ULK4: variants seen among roughly 807,000 people sequenced by gnomAD.
ULK4 encodes unc-51 like kinase 4, also known as inactive serine/threonine-protein kinase ULK4.
In ULK4, 133 loss-of-function variants were observed where a neutral mutation model predicts 160.6. That is an observed-to-expected ratio of 0.83 (90% CI 0.72 to 0.96). The LOEUF (loss-of-function observed/expected upper bound fraction) is 0.96. Among genes scored for constraint, ULK4 ranks in the 40% least tolerant of loss-of-function variants. The probability of loss-of-function intolerance (pLI) is 0.00; values close to 1 mark genes in which losing one functional copy is unlikely to be tolerated. For missense variants in ULK4, 1,580 were observed against 1,499.5 expected (o/e 1.05, Z -0.89); for synonymous variants, 534 against 539.8 (o/e 0.99, Z 0.15).
At chr3:41,388,813 C>T (rs2081885211) in intron 35 of ULK4, among the ~76,000 whole-genome samples, 1 of 152,118 alleles carries the variant, frequency 6.6e-6, no homozygotes, top group Non-Finnish European at 1.5e-5. Flanking sequence ...TAGCATGATC[C>T]CTCCAGCTTT....
At chr3:41,747,114 C>T (rs1575642787) in intron 22 of ULK4, among the ~76,000 whole-genome samples, 3 of 151,748 alleles carry the variant, frequency 2.0e-5, no homozygotes, top group Admixed American at 1.3e-4. Flanking sequence ...TTAGTCTTGA[C>T]ATCAAAAATA....
At chr3:41,829,739 G>T (rs556011344) in intron 18 of ULK4, among the ~76,000 whole-genome samples, 2 of 151,556 alleles carry the variant, frequency 1.3e-5, no homozygotes, top group African/African-American at 2.4e-5. Context: ...TCAGTGTGGC[G>T]ATTCCTCAGA....
intron 30 of ULK4, among the ~76,000 whole-genome samples, chr3:41,641,320 C>CATATT (rs1168266720): frequency 6.6e-6 from 1 of 152,036 alleles, no homozygotes; most frequent in African/African-American, 2.4e-5. Context: ...TAAGACTGTG[C>CATATT]ATATTAGTAG....
intron 30 of ULK4, among the ~76,000 whole-genome samples, chr3:41,620,038 A>G (rs908957569): frequency 1.2e-4 from 18 of 152,146 alleles, no homozygotes; most frequent in Admixed American, 1.2e-3. Flanking sequence ...TCCTGCGCAC[A>G]TACACCCTCC....
chr3:41,469,630 C>G (rs1446631232), intron 32 of ULK4, among the ~76,000 whole-genome samples: 1 of 75,942 alleles, frequency 1.3e-5, no homozygotes, highest in Non-Finnish European at 2.9e-5. Context: ...AAAAAAAACA[C>G]CTTAAAAGCC....
intron 30 of ULK4, among the ~76,000 whole-genome samples, chr3:41,650,470 G>A (rs1290250819): frequency 6.6e-6 from 1 of 152,226 alleles, no homozygotes; most frequent in Non-Finnish European, 1.5e-5. Flanking sequence ...ACGTTCCCCA[G>A]TGCCCACAGT....
chr3:41,771,367 CA>C (rs1330798843), intron 21 of ULK4, among the ~76,000 whole-genome samples: 2 of 152,090 alleles, frequency 1.3e-5, no homozygotes, highest in Non-Finnish European at 2.9e-5. Flanking sequence ...AATACATTGT[CA>C]CAGTGTTTTT....
intron 32 of ULK4, among the ~76,000 whole-genome samples, chr3:41,471,946 A>C (rs1443082385): frequency 6.7e-6 from 1 of 148,962 alleles, no homozygotes; most frequent in African/African-American, 2.5e-5. Context: ...AAAAAAAAAA[A>C]CAAAATGAAG....
chr3:41,383,206 C>T (rs1469445834), intron 35 of ULK4, among the ~76,000 whole-genome samples: 2 of 151,790 alleles, frequency 1.3e-5, no homozygotes, highest in African/African-American at 4.8e-5. Flanking sequence ...TCAAGCGATT[C>T]TCCTGCCTCA....
At position 41,289,778 on chromosome 3, in the gene ULK4, C is replaced by G. The variant is rs145478595; in HGVS notation, c.3679-40204G>C. Among the ~76,000 whole-genome samples the G allele has an allele frequency of 6.0e-4, 92 of 152,200 alleles. 1 individual carries two copies. Among genetic ancestry groups the G allele is most frequent in the African/African-American group, 2.2e-3 (90 of 41,522 alleles). On this transcript the variant is annotated intron_variant, in intron 35 of 36. Coordinates refer to ENST00000301831, the MANE Select transcript of ULK4 (RefSeq NM_017886.4). Reference sequence around the variant, plus strand: ...GTCAGTCTAACACCAGAAACTGACCCTAACCCTGCATCTTCTTATTAGGTC... The same window carrying G: ...GTCAGTCTAACACCAGAAACTGACCGTAACCCTGCATCTTCTTATTAGGTC...
chr3:41,524,128 G>T (rs937411307), intron 32 of ULK4, among the ~76,000 whole-genome samples: 4 of 152,158 alleles, frequency 2.6e-5, no homozygotes, highest in Non-Finnish European at 5.9e-5. Context: ...GTGATTTAGG[G>T]GGATTGGTGA....
chr3:41,825,084 C>T (rs1370450723), intron 18 of ULK4, among the ~76,000 whole-genome samples: 6 of 152,228 alleles, frequency 3.9e-5, no homozygotes, highest in African/African-American at 1.2e-4. Flanking sequence ...CAAACTCCAA[C>T]AGACCTGCAG....
chr3:41,320,772 C>T (rs2080230381), intron 35 of ULK4, among the ~76,000 whole-genome samples: 1 of 152,056 alleles, frequency 6.6e-6, no homozygotes, highest in Non-Finnish European at 1.5e-5. Flanking sequence ...CAAAAATTAG[C>T]TGGGCATGGT....
intron 32 of ULK4, among the ~76,000 whole-genome samples, chr3:41,499,965 T>C (rs11919885): frequency 0.83 from 126,416 of 152,168 alleles, 54,064 homozygotes; most frequent in Non-Finnish European, 0.94. Flanking sequence ...AATTTACTGA[T>C]ATAATATTTC....
intron 34 of ULK4, 51 bp from the exon 35 acceptor site, chr3:41,398,315 T>G: frequency 6.1e-5 from 96 of 1,573,422 alleles, no homozygotes; most frequent in Non-Finnish European, 8.0e-5. Flanking sequence ...ACGGTATTAG[T>G]ACTCAAAAAA....
intron 17 of ULK4, among the ~76,000 whole-genome samples, chr3:41,858,555 T>TG (rs2042426159): frequency 6.7e-6 from 1 of 148,990 alleles, no homozygotes; most frequent in Non-Finnish European, 1.5e-5. Flanking sequence ...TGCAGTGGCA[T>TG]GATCTCAGCT....
chr3:41,258,369 C>T (rs2078875420), intron 35 of ULK4: 1 of 152,168 alleles, frequency 6.6e-6, no homozygotes, highest in African/African-American at 2.4e-5. Context: ...TACTGTGATG[C>T]TGAATTCATG....
At chr3:41,795,699 C>T (rs2040282722) in intron 20 of ULK4, among the ~76,000 whole-genome samples, 1 of 152,150 alleles carries the variant, frequency 6.6e-6, no homozygotes, top group Non-Finnish European at 1.5e-5. Context: ...AAATTGAAAG[C>T]TTTGAAAAGT....
At chr3:41,514,379 C>T (rs1171164753) in intron 32 of ULK4, among the ~76,000 whole-genome samples, 1 of 152,066 alleles carries the variant, frequency 6.6e-6, no homozygotes, top group Admixed American at 6.5e-5. Context: ...GGGGGTCGTG[C>T]GAAGCAAAGG....
Sources: allele counts gnomAD v4.1 joint callset (sites outside exome capture counted in the v4.1 genomes callset), GRCh38; gene constraint gnomAD v4.1.1; transcripts MANE v1.5; gene names NCBI Gene and HGNC (gene_info 2026-07-23, HGNC 2026-07-21).